The following TSC2 variants were observed in gnomAD, a reference collection of about 807,000 sequenced individuals.
TSC2 encodes the protein TSC complex subunit 2, also known as tuberin.
In TSC2, 29 loss-of-function variants were observed where a neutral mutation model predicts 202.2. That is an observed-to-expected ratio of 0.14 (90% confidence interval 0.11 to 0.20). The LOEUF (loss-of-function observed/expected upper bound fraction) is 0.20. TSC2 is among the 10% of genes least tolerant of loss of function. TSC2 has a pLI of 1.00. For missense variants in TSC2, 2,429 were observed against 2,420.0 expected (o/e 1.00, Z -0.08); for synonymous variants, 1,349 against 1,044.0 (o/e 1.29, Z -5.63).
At chr16:2,063,157 C>T in intron 14 of TSC2, 104 bp downstream of exon 14, 9 of 1,378,936 alleles carry the variant, frequency 6.5e-6, no homozygotes, top group Non-Finnish European at 9.0e-6. Flanking sequence ...CTGCCTGGGA[C>T]TTCGGTCCTG....
chr16:2,055,621 A>G (rs889894407), intron 6 of TSC2, 102 bp downstream of exon 6: 11 of 1,132,438 alleles, frequency 9.7e-6, no homozygotes, highest in Non-Finnish European at 1.5e-5. Flanking sequence ...GGCTGGGCAC[A>G]ATGGCTCACG....
intron 25 of TSC2, 104 bp downstream of exon 25, chr16:2,076,689 C>CTGTG: frequency 8.6e-7 from 1 of 1,167,888 alleles, no homozygotes; most frequent in South Asian, 1.3e-5. Context: ...GAAATGGGTC[C>CTGTG]TGTGTGCCCT....
chr16:2,050,595 G>C, intron 3 of TSC2, 109 bp downstream of exon 3: 1 of 734,164 alleles, frequency 1.4e-6, no homozygotes, highest in Non-Finnish European at 2.2e-6. Flanking sequence ...GATCTGGTTT[G>C]CACTTTTTTT....
At chr16:2,059,442 A>C (rs2086340111) in intron 10 of TSC2, among the ~76,000 whole-genome samples, 1 of 124,076 alleles carries the variant, frequency 8.1e-6, no homozygotes, top group Non-Finnish European at 1.6e-5. Flanking sequence ...TCCCCAGTTC[A>C]AGCCATTCTG....
chr16:2,063,082 G>T (rs368999204), intron 14 of TSC2, 29 bp downstream of exon 14: 4 of 1,550,866 alleles, frequency 2.6e-6, no homozygotes, highest in East Asian at 2.4e-5. Flanking sequence ...GCAGCTGGGG[G>T]CTCAGGGCTA....
At chr16:2,073,640 G>T (rs750875952) in intron 21 of TSC2, among the ~76,000 whole-genome samples, 2 of 152,244 alleles carry the variant, frequency 1.3e-5, no homozygotes, top group African/African-American at 2.4e-5. Flanking sequence ...GGCCCCTTCA[G>T]CCCCTCTGAG....
chr16:2,055,594 CA>C (rs1289915820), intron 6 of TSC2, 75 bp downstream of exon 6: 2 of 1,415,772 alleles, frequency 1.4e-6, no homozygotes, highest in South Asian at 1.2e-5. Context: ...TTGAAACCAC[CA>C]AAAAAATAGA....
At chr16:2,058,938 C>G in intron 10 of TSC2, 65 bp downstream of exon 10, 1 of 1,570,640 alleles carries the variant, frequency 6.4e-7, no homozygotes, top group Non-Finnish European at 8.6e-7. Flanking sequence ...GCCTGCCCAC[C>G]CATCCCACTG....
At chr16:2,054,084 G>A in intron 4 of TSC2, 2 of 676,538 alleles carry the variant, frequency 3.0e-6, no homozygotes, top group Non-Finnish European at 5.0e-6. Flanking sequence ...CACAGCAGTT[G>A]CTCCCCATAC....
intron 30 of TSC2, chr16:2,080,773 C>G (rs536870308): frequency 2.1e-5 from 5 of 234,410 alleles, no homozygotes; most frequent in Admixed American, 5.1e-5. Flanking sequence ...CGTGAGCCAC[C>G]GCGCCCAGCC....
At position 2,077,645 on chromosome 16, in the gene TSC2, C is replaced by T. The variant is rs367640434; in HGVS notation, c.2885C>T (p.Pro962Leu). ...PPKQGLNNSPPVKEFKESSAA... is the reference protein window; with the variant it reads ...PPKQGLNNSPLVKEFKESSAA... ...AAACAAGGCTTGAATAACTCTCCAC[C>T]CGTGAAAGAATTCAAGGAGAGCTCT... is the stretch of plus-strand genomic sequence containing the variant. The change falls in exon 26 of 42, where the codon CCC becomes CTC. Residue 962 changes from proline to leucine, a missense_variant. Physicochemically the swap from Pro to Leu is moderately conservative, Grantham distance 98. Coordinates refer to ENST00000219476, the MANE Select transcript of TSC2 (RefSeq NM_000548.5). 1 of 1,613,142 alleles carries T rather than the reference C, an allele frequency of 6.2e-7. No individual in the cohort carries two copies. Among genetic ancestry groups the T allele is most frequent in the Non-Finnish European group, 8.5e-7 (1 of 1,180,032 alleles).
chr16:2,078,093 A>C, intron 26 of TSC2: 1 of 320,578 alleles, frequency 3.1e-6, no homozygotes, highest in East Asian at 8.0e-5. Context: ...CTTTCTTCTC[A>C]ACAAGGTTTA....
intron 32 of TSC2, chr16:2,082,834 G>A (rs2090303820): frequency 2.1e-6 from 1 of 474,458 alleles, no homozygotes; most frequent in Non-Finnish European, 3.9e-6. Context: ...CTGTTTAGGG[G>A]GAAGCCCACC....
chr16:2,048,997 G>T (rs1040512639), intron 2 of TSC2, among the ~76,000 whole-genome samples: 1 of 152,208 alleles, frequency 6.6e-6, no homozygotes, highest in Admixed American at 6.5e-5. Flanking sequence ...CCATCTTATA[G>T]ATGAGGCCTG....
intron 9 of TSC2, among the ~76,000 whole-genome samples, chr16:2,058,147 C>A (rs1379128402): frequency 6.7e-6 from 1 of 148,650 alleles, no homozygotes; most frequent in Admixed American, 6.7e-5. Flanking sequence ...CTCCCTCCCT[C>A]CTCCCGTAGA....
chr16:2,066,638 G>C (rs555039472), intron 16 of TSC2, among the ~76,000 whole-genome samples: 1 of 150,222 alleles, frequency 6.7e-6, no homozygotes, highest in East Asian at 1.9e-4. Flanking sequence ...AGCATGTAAG[G>C]GTTCTGATTT....
chr16:2,061,175 T>C (rs1489699414), intron 11 of TSC2: 1 of 366,166 alleles, frequency 2.7e-6, no homozygotes, highest in African/African-American at 2.1e-5. Flanking sequence ...AGGACCGCAT[T>C]AGTCGAGTCT....
At chr16:2,055,652 G>T (rs2085703669) in intron 6 of TSC2, 133 bp downstream of exon 6, 1 of 866,790 alleles carries the variant, frequency 1.2e-6, no homozygotes, top group Non-Finnish European at 1.9e-6. Context: ...CAGCACTTTG[G>T]GAGGCCGAGG....
At position 2,081,747 on chromosome 16, in the gene TSC2, G is replaced by C. The variant is rs1596400585; in HGVS notation, c.3763G>C (p.Val1255Leu). ...CACAGCCCTGTACAAGTCACTGTCG[G>C]TGCCGGCAGCCAGCACGGCCAAACC... Reference protein sequence around the residue: ...RDTALYKSLSVPAASTAKPPP... With the variant: ...RDTALYKSLSLPAASTAKPPP... The change falls in exon 31 of 42, where the codon GTG (valine) becomes CTG (leucine). Residue 1255 changes from valine (V) to leucine (L), a missense_variant. Transcript: ENST00000219476. 6.2e-7 allele frequency: 1 copy of C among 1,612,892 alleles called. No homozygotes were observed. Among genetic ancestry groups the C allele is most frequent in the Non-Finnish European group, 8.5e-7 (1 of 1,180,014 alleles).
Sources: allele counts gnomAD v4.1 joint callset (sites outside exome capture counted in the v4.1 genomes callset), GRCh38; gene constraint gnomAD v4.1.1; transcripts MANE v1.5; gene names NCBI Gene and HGNC (gene_info 2026-07-23, HGNC 2026-07-21).